The following NR3C2 variants were observed in gnomAD, a reference collection of about 807,000 sequenced individuals.
NR3C2 encodes the protein nuclear receptor subfamily 3 group C member 2.
Under a neutral mutation model 86.4 loss-of-function variants are expected in NR3C2, and 15 were observed. That is an observed-to-expected ratio of 0.17 (90% confidence interval 0.12 to 0.27). The LOEUF is 0.27. Among genes scored for constraint, NR3C2 ranks in the 10% least tolerant of loss-of-function variants. The pLI is 1.00. For missense variants in NR3C2, 960 were observed against 1,195.6 expected, an observed-to-expected ratio of 0.80 and a Z score of 2.91; for synonymous variants, 458 against 450.5, an observed-to-expected ratio of 1.02 and a Z score of -0.21.
intron 2 of NR3C2, among the ~76,000 whole-genome samples, chr4:148,262,538 T>C (rs1740173975): frequency 6.6e-6 from 1 of 152,094 alleles, no homozygotes; most frequent in Non-Finnish European, 1.5e-5. Flanking sequence ...ACAGATATCC[T>C]CTTCTCAGTT....
At position 148,285,240 on chromosome 4, in the gene NR3C2, T is replaced by TA. The variant is rs569208961; in HGVS notation, c.1758-25124dup. On this transcript the variant is annotated intron_variant, in intron 2 of 8. Transcript: ENST00000358102. ...GCCTTTATCATGGACATGAAAATGCTAAAAAATATTTAGGGTCTTCTAATC... is the reference window on the plus strand; with the variant it reads ...GCCTTTATCATGGACATGAAAATGCTAAAAAAATATTTAGGGTCTTCTAATC... 2.0e-5 allele frequency among the ~76,000 whole-genome samples: 3 copies of TA among 152,282 alleles called. No homozygotes were observed. The South Asian group carries it at 6.2e-4, about 32-fold the overall frequency.
intron 8 of NR3C2, among the ~76,000 whole-genome samples, chr4:148,087,624 T>TGAG (rs1730874126): frequency 6.6e-6 from 1 of 152,198 alleles, no homozygotes; most frequent in African/African-American, 2.4e-5. Context: ...AAGGATCCTC[T>TGAG]ATTTAATAAA....
chr4:148,091,534 A>G (rs1029667320), intron 8 of NR3C2, among the ~76,000 whole-genome samples: 6 of 152,252 alleles, frequency 3.9e-5, no homozygotes, highest in African/African-American at 1.2e-4. Context: ...TGAGATTCAC[A>G]TATCAAACAT....
intron 2 of NR3C2, among the ~76,000 whole-genome samples, chr4:148,352,146 A>C (rs996730118): frequency 6.6e-6 from 1 of 152,180 alleles, no homozygotes; most frequent in Admixed American, 6.5e-5. Flanking sequence ...TTGCGACATA[A>C]GTCCTGGGAG....
At chr4:148,201,668 G>GGGT (rs1736725549) in intron 3 of NR3C2, among the ~76,000 whole-genome samples, 1 of 152,156 alleles carries the variant, frequency 6.6e-6, no homozygotes, top group Non-Finnish European at 1.5e-5. Flanking sequence ...GTTTGGTCAT[G>GGGT]GGTGGTGGCA....
At chr4:148,419,146 CAT>C (rs532965283) in intron 2 of NR3C2, among the ~76,000 whole-genome samples, 38 of 150,932 alleles carry the variant, frequency 2.5e-4, no homozygotes, top group East Asian at 1.8e-3. Flanking sequence ...ATATTTACCA[CAT>C]GTTATGAGAT....
At chr4:148,332,602 GT>G (rs765316250) in intron 2 of NR3C2, among the ~76,000 whole-genome samples, 66 of 152,260 alleles carry the variant, frequency 4.3e-4, no homozygotes, top group Non-Finnish European at 7.1e-4. Flanking sequence ...ACTGTCCTTG[GT>G]ATGCTAACAT....
chr4:148,313,458 G>C (rs377674129), intron 2 of NR3C2, among the ~76,000 whole-genome samples: 1 of 152,120 alleles, frequency 6.6e-6, no homozygotes, highest in African/African-American at 2.4e-5. Flanking sequence ...TTAATGTTTT[G>C]TAAGCTAAAA....
At chr4:148,200,212 A>G (rs1579004403) in intron 3 of NR3C2, among the ~76,000 whole-genome samples, 1 of 152,194 alleles carries the variant, frequency 6.6e-6, no homozygotes, top group Admixed American at 6.5e-5. Flanking sequence ...GAGGTCGCCA[A>G]TGCCCTGCGG....
At chr4:148,156,017 T>C (rs1376442662) in intron 4 of NR3C2, among the ~76,000 whole-genome samples, 1 of 152,114 alleles carries the variant, frequency 6.6e-6, no homozygotes, top group Non-Finnish European at 1.5e-5. Flanking sequence ...GGGGAAAGGA[T>C]TCCCTATTTA....
intron 3 of NR3C2, among the ~76,000 whole-genome samples, chr4:148,232,021 CA>C (rs1738489498): frequency 6.6e-6 from 1 of 152,170 alleles, no homozygotes; most frequent in African/African-American, 2.4e-5. Flanking sequence ...ACCACATCTG[CA>C]GTTACTTTCT....
chr4:148,396,596 C>A (rs979225167), intron 2 of NR3C2, among the ~76,000 whole-genome samples: 2 of 152,154 alleles, frequency 1.3e-5, no homozygotes, highest in Non-Finnish European at 1.5e-5. Context: ...ACAAGCACAA[C>A]CTTCATACCA....
chr4:148,183,165 G>C (rs1226871459), intron 4 of NR3C2, among the ~76,000 whole-genome samples: 1 of 152,074 alleles, frequency 6.6e-6, no homozygotes, highest in Non-Finnish European at 1.5e-5. Flanking sequence ...CCTTTTTTAT[G>C]GCTGCATAGT....
Position 148,080,676 on chromosome 4 carries a change from C to A in NR3C2, c.*668G>T. ...AGACTGCAAAAAATTATTTGTAAAG[C>A]CAACACAATAGATACTAGAAATCAA... On this transcript the variant is annotated 3_prime_UTR_variant, in exon 9 of 9. Transcript: ENST00000358102. 1 of 232,354 alleles carries A rather than the reference C, an allele frequency of 4.3e-6. No individual in the cohort carries two copies. Among genetic ancestry groups the A allele is most frequent in the Non-Finnish European group, 9.3e-6 (1 of 107,082 alleles). 14.4% of individuals were successfully genotyped at this position (232,354 alleles called of 1,614,324 possible).
chr4:148,110,141 TA>T (rs1731986049), intron 8 of NR3C2, among the ~76,000 whole-genome samples: 2 of 152,238 alleles, frequency 1.3e-5, no homozygotes, highest in Non-Finnish European at 2.9e-5. Flanking sequence ...TTGTTTGAAA[TA>T]TTTTTTTGGG....
At chr4:148,416,783 C>CT (rs975066044) in intron 2 of NR3C2, among the ~76,000 whole-genome samples, 86 of 149,858 alleles carry the variant, frequency 5.7e-4, no homozygotes, top group African/African-American at 1.8e-3. Context: ...CTTTTTTTTT[C>CT]TTTTTTTTTG....
chr4:148,195,929 G>A (rs878995158), intron 3 of NR3C2, among the ~76,000 whole-genome samples: 1 of 152,196 alleles, frequency 6.6e-6, no homozygotes, highest in Admixed American at 6.5e-5. Context: ...CTGAGATGAA[G>A]CCACTAGACT....
intron 2 of NR3C2, among the ~76,000 whole-genome samples, chr4:148,317,464 A>C (rs945035343): frequency 6.6e-6 from 1 of 152,146 alleles, no homozygotes; most frequent in African/African-American, 2.4e-5. Flanking sequence ...CATATCCGCA[A>C]TATCCCAACT....
chr4:148,364,233 G>T (rs957318440), intron 2 of NR3C2, among the ~76,000 whole-genome samples: 1 of 152,058 alleles, frequency 6.6e-6, no homozygotes, highest in Non-Finnish European at 1.5e-5. Flanking sequence ...TAAATAACTC[G>T]AGGAGCTTCG....
Sources: gnomAD v4.1 joint callset for allele counts (sites outside exome capture counted in the v4.1 genomes callset) on GRCh38, gnomAD v4.1.1 for gene constraint, MANE v1.5 for transcripts, NCBI Gene and HGNC (gene_info 2026-07-23, HGNC 2026-07-21) for gene names.